Variants in PTPRS observed in about 807,000 individuals in gnomAD.
The protein encoded by PTPRS is receptor-type tyrosine-protein phosphatase S.
PTPRS carries 63 observed loss-of-function variants against 215.3 expected under a neutral mutation model. The ratio of observed to expected loss-of-function variants is 0.29; its 90% CI spans 0.24 to 0.36. The LOEUF is 0.36. PTPRS is among the 10% of genes least tolerant of loss of function. The pLI is 1.00. For synonymous variants in PTPRS, 1,404 were observed against 1,191.4 expected (o/e 1.18, Z -3.68); for missense variants, 2,258 against 2,825.8 (o/e 0.80, Z 4.56).
At chr19:5,269,339 A>C (rs1383746906) in intron 4 of PTPRS, among the ~76,000 whole-genome samples, 1 of 151,944 alleles carries the variant, frequency 6.6e-6, no homozygotes, top group Non-Finnish European at 1.5e-5. Context: ...AAAAACGTAC[A>C]TCGCGAACCA....
rs776812271 is a variant in PTPRS at position 5,210,662 on chromosome 19, T to G, written c.5361+17A>C. On this transcript the variant is annotated intron_variant, in intron 34 of 37. Transcript: ENST00000262963. The surrounding 1 kb of genome is among the most constrained non-coding windows in gnomAD (Gnocchi z 4.5). ...CAGTCTGGCCCTCGCCCTTCCCTGC[T>G]GTGGCCCCTAGCTCACCCGGCCCAT... The G allele has an allele frequency of 1.4e-5, 23 of 1,614,154 alleles. No homozygotes were observed. The highest frequency in any genetic ancestry group is 1.9e-5 in the Non-Finnish European group (22 of 1,180,026).
chr19:5,215,162 C>A (rs1018480660), intron 28 of PTPRS, 127 bp downstream of exon 28: 2 of 1,248,680 alleles, frequency 1.6e-6, no homozygotes, highest in East Asian at 4.9e-5. Flanking sequence ...TGCCCAGTGG[C>A]CTCCAGTTGG....
At chr19:5,254,517 T>C (rs997961424) in intron 9 of PTPRS, among the ~76,000 whole-genome samples, 4 of 152,002 alleles carry the variant, frequency 2.6e-5, no homozygotes, top group Non-Finnish European at 4.4e-5. Context: ...TCTGAAGATT[T>C]GCAAGAGTGA....
intron 1 of PTPRS, among the ~76,000 whole-genome samples, chr19:5,335,524 G>A (rs936876895): frequency 3.3e-5 from 5 of 152,202 alleles, no homozygotes; most frequent in South Asian, 2.1e-4. Context: ...AGGCAGGCAG[G>A]CAGGTGAGAT....
Position 5,337,821 on chromosome 19 carries a change from T to A in PTPRS, c.-95+2843A>T, listed in dbSNP as rs151187908. ...AATGGACTTGTGTCTCCAAGCAGGG[T>A]CCATGGACACTGGACGATGCCTGAA... On this transcript the variant is annotated intron_variant, in intron 1 of 37. Coordinates refer to ENST00000262963, the MANE Select transcript of PTPRS (RefSeq NM_002850.4). 2.1e-3 allele frequency among the ~76,000 whole-genome samples: 314 copies of A among 151,750 alleles called. 1 individual carries two copies. Among genetic ancestry groups the A allele is most frequent in the African/African-American group, 7.2e-3 (299 of 41,310 alleles).
intron 9 of PTPRS, among the ~76,000 whole-genome samples, chr19:5,246,766 C>T (rs2044525473): frequency 6.6e-6 from 1 of 152,126 alleles, no homozygotes; most frequent in Non-Finnish European, 1.5e-5. Context: ...AGATGAGAAA[C>T]TCTAATGAAA....
chr19:5,223,257 C>T lies in PTPRS; in HGVS notation c.2535G>A (p.Glu845=), dbSNP rs917223605. The T allele has an allele frequency of 1.4e-6, 2 of 1,476,982 alleles. No individual in the cohort carries two copies. The highest frequency in any genetic ancestry group is 2.9e-5 in the African/African-American group (2 of 69,350). 91.5% of individuals were successfully genotyped at this position (1,476,982 alleles called of 1,614,324 possible). Residue 845 remains glutamate (E), a synonymous_variant, in exon 18 of 38, where the codon GAG becomes GAA. Transcript: ENST00000262963. The part of the protein sequence containing the change: ...RPTLSVQQTP[E]GSLLARWEPP... ...GCTCCCAGCGTGCCAGCAGGCTGCC[C>T]TCGGGGGTCTGCTGCACCGACAGGG... is the stretch of plus-strand genomic sequence containing the variant.
intron 2 of PTPRS, among the ~76,000 whole-genome samples, chr19:5,284,872 T>C (rs1267001338): frequency 6.6e-6 from 1 of 152,010 alleles, no homozygotes; most frequent in Non-Finnish European, 1.5e-5. Context: ...TGCTTGAGCC[T>C]GAGAAGTAGA....
intron 11 of PTPRS, among the ~76,000 whole-genome samples, chr19:5,243,687 G>GT (rs923146992): frequency 2.9e-4 from 44 of 152,222 alleles, no homozygotes; most frequent in African/African-American, 1.0e-3. Flanking sequence ...GGCCATGCTG[G>GT]TCTCGAACTC....
At chr19:5,317,344 C>T (rs190372694) in intron 1 of PTPRS, among the ~76,000 whole-genome samples, 3 of 152,216 alleles carry the variant, frequency 2.0e-5, no homozygotes, top group Admixed American at 6.5e-5. Context: ...TGGTGGCACG[C>T]GCCTGTAATC....
At chr19:5,228,559 G>T (rs1599524196) in intron 16 of PTPRS, among the ~76,000 whole-genome samples, 1 of 152,022 alleles carries the variant, frequency 6.6e-6, no homozygotes, top group East Asian at 1.9e-4. Flanking sequence ...GGCCAGGCTG[G>T]TCTTGAACTC....
rs545447519 is a variant in PTPRS, at chr19:5,237,880, G to A, written c.1849+1039C>T. Among the ~76,000 whole-genome samples, 4 of 152,192 alleles carry A rather than the reference G, an allele frequency of 2.6e-5. No individual in the cohort carries two copies. Among genetic ancestry groups the A allele is most frequent in the East Asian group, 1.9e-4 (1 of 5,144 alleles). On this transcript the variant is annotated intron_variant, in intron 13 of 37. Coordinates refer to ENST00000262963, the MANE Select transcript of PTPRS (RefSeq NM_002850.4). This position sits in a 1 kb window ranked among gnomAD's most constrained non-coding sequence, Gnocchi z 4.2. ...GGCAGGGGGGTTGTGTCTCCGAGGCGCCCCACCCCCCCGATCCCAGCGGCT... is the reference window on the plus strand; with the variant it reads ...GGCAGGGGGGTTGTGTCTCCGAGGCACCCCACCCCCCCGATCCCAGCGGCT...
In PTPRS at chr19:5,260,775, G is replaced by A. The variant is rs10402566; in HGVS notation, c.595+30C>T. 501 of 1,613,338 alleles carry A rather than the reference G, an allele frequency of 3.1e-4. 2 individuals carry two copies. The African/African-American group carries it at 5.9e-3, about 19-fold the overall frequency. On this transcript the variant is annotated intron_variant, in intron 7 of 37. Coordinates refer to ENST00000262963, the MANE Select transcript of PTPRS (RefSeq NM_002850.4). ...CTGAGTGGGCAGCAAGAGCGAGCGTGAGTGGGTGGGTGAGTGAGGAGCCTC... is the reference window on the plus strand; with the variant it reads ...CTGAGTGGGCAGCAAGAGCGAGCGTAAGTGGGTGGGTGAGTGAGGAGCCTC...
chr19:5,270,844 C>T (rs1157192381), intron 4 of PTPRS, among the ~76,000 whole-genome samples: 1 of 152,090 alleles, frequency 6.6e-6, no homozygotes, highest in Non-Finnish European at 1.5e-5. Flanking sequence ...GGGGTTTCAC[C>T]ATGTTGGCCA....
intron 9 of PTPRS, among the ~76,000 whole-genome samples, chr19:5,251,285 T>TC (rs11408463): frequency 0.061 from 8,991 of 147,066 alleles, 295 homozygotes; most frequent in Non-Finnish European, 0.069. Context: ...CTCCCGCCTC[T>TC]CCCCCCCACC....
At position 5,205,607 on chromosome 19, in the gene PTPRS, A is replaced by G. The variant is rs1256306947; in HGVS notation, c.*1167T>C. 6.6e-6 allele frequency among the ~76,000 whole-genome samples: 1 copy of G among 152,200 alleles called. No homozygotes were observed. Among genetic ancestry groups the G allele is most frequent in the African/African-American group, 2.4e-5 (1 of 41,442 alleles). ...GCTGGAATAAACAGTGTTGAAAGTA[A>G]CCGCAGACCTGCCCTTGTACAAAGA... On this transcript the variant is annotated 3_prime_UTR_variant, in exon 38 of 38. Transcript: ENST00000262963.
chr19:5,285,535 T>C (rs1043890610), intron 2 of PTPRS, among the ~76,000 whole-genome samples: 22 of 152,216 alleles, frequency 1.4e-4, no homozygotes, highest in African/African-American at 4.3e-4. Flanking sequence ...ATGCCCTTTT[T>C]CCCAAGAAGC....
rs570069435 is a variant in PTPRS at position 5,257,697 on chromosome 19, C to T, written c.706+320G>A. 2.9e-4 allele frequency among the ~76,000 whole-genome samples: 44 copies of T among 152,306 alleles called. No homozygotes were observed. The highest frequency in any genetic ancestry group is 1.0e-3 in the African/African-American group (42 of 41,574). ...GGCAGAGGCCTGCAGGCTCCCCTGGCCCTGTAGGCCCAAGACTGACCCCCT... is the reference window on the plus strand; with the variant it reads ...GGCAGAGGCCTGCAGGCTCCCCTGGTCCTGTAGGCCCAAGACTGACCCCCT... On this transcript the variant is annotated intron_variant, in intron 8 of 37. Transcript: ENST00000262963. The surrounding 1 kb of genome is among the most constrained non-coding windows in gnomAD (Gnocchi z 4.4).
chr19:5,214,788 G>A (rs1485630337), intron 28 of PTPRS, 52 bp from the exon 29 acceptor site: 2 of 1,533,364 alleles, frequency 1.3e-6, no homozygotes, highest in African/African-American at 1.4e-5. Flanking sequence ...TTGCTAGTTT[G>A]GCTCTGTGTG....
Sources: allele counts gnomAD v4.1 joint callset (sites outside exome capture counted in the v4.1 genomes callset), GRCh38; gene constraint gnomAD v4.1.1; non-coding constraint Gnocchi (gnomAD v3.1); transcripts MANE v1.5; gene names NCBI Gene and HGNC (gene_info 2026-07-23, HGNC 2026-07-21).